The following NSD2 variants were observed in gnomAD, a reference collection of about 807,000 sequenced individuals.
NSD2 encodes the protein histone-lysine N-methyltransferase NSD2.
In NSD2, 12 loss-of-function variants were observed where a neutral mutation model predicts 139.0. The observed-to-expected ratio is 0.09, with a 90% CI of 0.06 to 0.14. The LOEUF is 0.14. Among genes scored for constraint, NSD2 ranks in the 10% least tolerant of loss-of-function variants. The pLI, the probability that NSD2 is intolerant of heterozygous loss-of-function variation, is 1.00. For synonymous variants in NSD2, 669 were observed against 648.7 expected (o/e 1.03, Z -0.48); for missense variants, 1,155 against 1,745.0 (o/e 0.66, Z 6.02).
At chr4:1,936,185 G>C (rs1431181627) in intron 7 of NSD2, among the ~76,000 whole-genome samples, 1 of 152,184 alleles carries the variant, frequency 6.6e-6, no homozygotes, top group East Asian at 1.9e-4. Context: ...CTGCAGGGGA[G>C]TGAAACCAAC....
Position 1,943,315 on chromosome 4 carries a change from T to C in NSD2, c.1881+3537T>C, listed in dbSNP as rs201940467. The C allele has an allele frequency of 7.7e-6, 8 of 1,043,544 alleles. No homozygotes were observed. The East Asian group carries it at 4.0e-4, about 52-fold the overall frequency. The allele number at this position is 1,043,544 out of a possible 1,614,324, so 64.6% of individuals were successfully genotyped here. A position where few individuals can be genotyped will look rare whatever the true frequency, so the allele number is the denominator to read the frequency against. ...ATCTTTAATGAACGTTTCTGACTAA[T>C]ATTTTGTTGTAAACCATTAAGTAAT... On this transcript the variant is annotated intron_variant, in intron 9 of 21. Transcript: ENST00000508803.
At chr4:1,957,478 G>A (rs764588265) in intron 15 of NSD2, among the ~76,000 whole-genome samples, 44 of 150,416 alleles carry the variant, frequency 2.9e-4, no homozygotes, top group Non-Finnish European at 5.9e-4. Flanking sequence ...GTAGAGAATG[G>A]GGTTTCAGCA....
intron 1 of NSD2, among the ~76,000 whole-genome samples, chr4:1,873,818 G>A (rs1373462270): frequency 6.6e-6 from 1 of 152,186 alleles, no homozygotes; most frequent in Non-Finnish European, 1.5e-5. Flanking sequence ...AGATGGTGCT[G>A]AAGTTCATAA....
rs1726971201 is a variant in NSD2, at chr4:1,975,437, T to C, written c.3621+37T>C. On this transcript the variant is annotated intron_variant, in intron 20 of 21. Transcript: ENST00000508803. Reference sequence around the variant, plus strand: ...GCGCCCTCCTTCCCCCCAGGCTCTGTGTTGGCATTTTGCACTCCTGGAGAC... The same window carrying C: ...GCGCCCTCCTTCCCCCCAGGCTCTGCGTTGGCATTTTGCACTCCTGGAGAC... The C allele has an allele frequency of 9.4e-6, 15 of 1,597,942 alleles. 1 individual carries two copies. In the East Asian group the frequency reaches 3.3e-4, roughly 36 times the overall value.
chr4:1,881,624 T>C (rs867910597), intron 1 of NSD2, among the ~76,000 whole-genome samples: 5 of 152,306 alleles, frequency 3.3e-5, no homozygotes, highest in Middle Eastern at 6.8e-3. Flanking sequence ...CTTGAATTCC[T>C]CGACTCAAGC....
At chr4:1,940,553 C>A (rs1722982836) in intron 9 of NSD2, 1 of 1,064,070 alleles carries the variant, frequency 9.4e-7, no homozygotes, top group Admixed American at 5.4e-5. Context: ...TTAGGGATTA[C>A]CTTCATAGAG....
intron 1 of NSD2, chr4:1,894,010 A>G (rs1715900224): frequency 6.6e-6 from 1 of 152,274 alleles, no homozygotes; most frequent in Admixed American, 6.5e-5. Flanking sequence ...AGGTTGCTGT[A>G]GCCTCGAATT....
chr4:1,907,502 AT>A (rs934461173), intron 3 of NSD2, among the ~76,000 whole-genome samples: 4 of 150,682 alleles, frequency 2.7e-5, no homozygotes, highest in East Asian at 2.0e-4. Context: ...TATTTGATCT[AT>A]TTTTTTAATC....
In NSD2 at chr4:1,955,624, T is replaced by A; in HGVS notation, c.2519-69T>A. On this transcript the variant is annotated intron_variant, in intron 13 of 21. Transcript: ENST00000508803. The surrounding 1 kb of genome is among the most constrained non-coding windows in gnomAD (Gnocchi z 4.7). Reference sequence around the variant, plus strand: ...TTAAGGCTGTAATAAGTGTAGACTGTGAAGCACTGAATCTGGGCTGAGCCA... The same window carrying A: ...TTAAGGCTGTAATAAGTGTAGACTGAGAAGCACTGAATCTGGGCTGAGCCA... The A allele has an allele frequency of 6.6e-7, 1 of 1,512,700 alleles. No individual in the cohort carries two copies. The allele number at this position is 1,512,700 out of a possible 1,614,324, so 93.7% of individuals were successfully genotyped here. A position where few individuals can be genotyped will look rare whatever the true frequency, so the allele number is the denominator to read the frequency against.
rs759323545 is a variant in NSD2 at position 1,959,459 on chromosome 4, C to G, written c.2986-12C>G. The G allele has an allele frequency of 6.0e-5, 96 of 1,611,598 alleles. No homozygotes were observed. Among genetic ancestry groups the G allele is most frequent in the Non-Finnish European group, 8.0e-5 (94 of 1,178,626 alleles). The stretch of plus-strand genomic sequence containing the variant: ...CATGTGTGGACCAAGACAGCTTACT[C>G]CTTCCCTGCAGGTGAATAAGCCTTA... On this transcript the variant is annotated splice_polypyrimidine_tract_variant and intron_variant, in intron 16 of 21. Transcript: ENST00000508803.
rs907392711 is a variant in NSD2, at chr4:1,979,364, G to A, written c.*455G>A. ...ACTCGGGAGAGGCTGGGTGAGGCCCGTGTGAGGACTGACCCTGGATTCCTC... is the reference window on the plus strand; with the variant it reads ...ACTCGGGAGAGGCTGGGTGAGGCCCATGTGAGGACTGACCCTGGATTCCTC... On this transcript the variant is annotated 3_prime_UTR_variant, in exon 22 of 22. Coordinates refer to ENST00000508803, the MANE Select transcript of NSD2 (RefSeq NM_001042424.3). 4 of 237,548 alleles carry A rather than the reference G, an allele frequency of 1.7e-5. No homozygotes were observed. The highest frequency in any genetic ancestry group is 4.4e-5 in the African/African-American group (2 of 45,500). 14.7% of individuals were successfully genotyped at this position (237,548 alleles called of 1,614,324 possible).
chr4:1,873,514 G>A (rs775385175), intron 1 of NSD2, among the ~76,000 whole-genome samples: 2 of 152,248 alleles, frequency 1.3e-5, no homozygotes, highest in South Asian at 2.1e-4. Context: ...TGAAGTGTGC[G>A]GACCCAAATG....
At chr4:1,978,254 C>T (rs1577593153) in intron 21 of NSD2, among the ~76,000 whole-genome samples, 1 of 152,190 alleles carries the variant, frequency 6.6e-6, no homozygotes, top group South Asian at 2.1e-4. Flanking sequence ...TTTACAGAGT[C>T]ATGCCAGAAA....
In NSD2 at chr4:1,976,618, C is replaced by T. The variant is rs778733119; in HGVS notation, c.3765C>T (p.Asp1255=). The T allele has an allele frequency of 1.1e-5, 17 of 1,608,848 alleles. No individual in the cohort carries two copies. The highest frequency in any genetic ancestry group is 1.4e-5 in the Non-Finnish European group (17 of 1,177,804). ...ATGGCGGGCAGCTGGTGCTGTGTGA[C>T]CGCAAGTTCTGCACCAAGGCCTACC... The part of the protein sequence containing the change: ...CGDGGQLVLC[D]RKFCTKAYHL... Residue 1255 remains aspartate, a synonymous_variant, in exon 21 of 22, where the codon GAC becomes GAT. Transcript: ENST00000508803. This position sits in a 1 kb window ranked among gnomAD's most constrained non-coding sequence, Gnocchi z 5.3.
At chr4:1,932,207 T>G (rs1721720336) in intron 6 of NSD2, among the ~76,000 whole-genome samples, 1 of 151,870 alleles carries the variant, frequency 6.6e-6, no homozygotes. Context: ...GAGGCCAAGG[T>G]GGGTGGATCA....
At chr4:1,969,519 C>T (rs1473706389) in intron 18 of NSD2, among the ~76,000 whole-genome samples, 1 of 149,942 alleles carries the variant, frequency 6.7e-6, no homozygotes, top group Non-Finnish European at 1.5e-5. Flanking sequence ...GCCTGGGCAA[C>T]ACAGCAAGGC....
intron 9 of NSD2, chr4:1,944,051 G>A: frequency 9.4e-7 from 1 of 1,066,120 alleles, no homozygotes. Context: ...GGCACATGGG[G>A]GAACGTGGAT....
intron 18 of NSD2, among the ~76,000 whole-genome samples, chr4:1,971,705 T>C (rs916813056): frequency 4.6e-5 from 7 of 151,790 alleles, no homozygotes; most frequent in African/African-American, 1.7e-4. Context: ...GCCGGTGGGG[T>C]GCACCTGAAA....
chr4:1,974,852 T>G lies in NSD2; in HGVS notation c.3373-11T>G, dbSNP rs1327446229. The stretch of plus-strand genomic sequence containing the variant: ...CTAACACTTGACCGAATATATCACT[T>G]GACCTTACAGGACCGTATAATAGAC... On this transcript the variant is annotated splice_polypyrimidine_tract_variant and intron_variant, in intron 18 of 21. Transcript: ENST00000508803. This position sits in a 1 kb window ranked among gnomAD's most constrained non-coding sequence, Gnocchi z 4.0. 5.6e-6 allele frequency: 9 copies of G among 1,614,040 alleles called. No homozygotes were observed. Among genetic ancestry groups the G allele is most frequent in the Non-Finnish European group, 7.6e-6 (9 of 1,179,982 alleles).
Sources: gnomAD v4.1 joint callset for allele counts (sites outside exome capture counted in the v4.1 genomes callset) on GRCh38, gnomAD v4.1.1 for gene constraint, Gnocchi (gnomAD v3.1) non-coding constraint, MANE v1.5 for transcripts, NCBI Gene and HGNC (gene_info 2026-07-23, HGNC 2026-07-21) for gene names.